UNK: variants seen among roughly 807,000 people sequenced by gnomAD.
UNK encodes unk zinc finger, also known as RING finger protein unkempt homolog.
A neutral mutation model predicts 97.6 loss-of-function variants in UNK; 32 were observed. That is an observed-to-expected ratio of 0.33 (90% CI 0.25 to 0.44). The LOEUF (loss-of-function observed/expected upper bound fraction) is 0.44, where lower values mean the gene tolerates loss of function less well. UNK is among the 20% of genes least tolerant of loss of function. The pLI is 1.00. For synonymous variants in UNK, 441 were observed against 461.2 expected, an observed-to-expected ratio of 0.96 and a Z score of 0.56; for missense variants, 771 against 1,098.4, an observed-to-expected ratio of 0.70 and a Z score of 4.21.
At chr17:75,795,482 G>A (rs2061797742) in intron 1 of UNK, among the ~76,000 whole-genome samples, 1 of 152,092 alleles carries the variant, frequency 6.6e-6, no homozygotes, top group African/African-American at 2.4e-5. Flanking sequence ...TGAGATTACA[G>A]GCACGCGCCA....
In UNK at chr17:75,812,214, C is replaced by T; in HGVS notation, c.417C>T (p.Asn139=). Residue 139 remains asparagine (N), a synonymous_variant, in exon 3 of 16, where the codon AAC becomes AAT. Coordinates refer to ENST00000589666, the MANE Select transcript of UNK (RefSeq NM_001080419.3). ...TCCACGAGACAGACTCGAAAGGCAA[C>T]TGCACCAAAAACGGCCTGCACTGCG... ...ICIHETDSKG[N]CTKNGLHCAF... The T allele has an allele frequency of 6.2e-7, 1 of 1,614,062 alleles. No individual in the cohort carries two copies. Among genetic ancestry groups the T allele is most frequent in the South Asian group, 1.1e-5 (1 of 91,090 alleles).
intron 1 of UNK, chr17:75,794,210 T>C: frequency 1.0e-6 from 1 of 954,824 alleles, no homozygotes; most frequent in Non-Finnish European, 1.2e-6. Context: ...ATTTCTGTTT[T>C]TATTTCAGCA....
At position 75,813,787 on chromosome 17, in the gene UNK, A is replaced by G. The variant is rs371668545; in HGVS notation, c.785A>G (p.His262Arg). 18 of 1,599,286 alleles carry G rather than the reference A, an allele frequency of 1.1e-5. No individual in the cohort carries two copies. The highest frequency in any genetic ancestry group is 1.4e-5 in the Non-Finnish European group (17 of 1,173,362). ...YRSSPCPNVK[H>R]GDEWGDPGKC... ...TCGTCTCCATGTCCAAACGTCAAGC[A>G]CGGGGATGAGTGGGGAGACCCTGGC... is the stretch of plus-strand genomic sequence containing the variant. The change falls in exon 6 of 16, where the codon CAC becomes CGC. Residue 262 changes from histidine to arginine, a missense_variant. By Grantham distance (29) the His-to-Arg change is conservative. Around this residue, in one of 5 missense-constraint regions of UNK, gnomAD observed 246 missense variants for 440.7 expected, o/e 0.56. Coordinates refer to ENST00000589666, the MANE Select transcript of UNK (RefSeq NM_001080419.3).
rs147138216 is a variant in UNK at position 75,822,060 on chromosome 17, A to C, written c.1838-417A>C. ...GGCTCTGGCCTGTCTTTTCCCCTTT[A>C]TCTCTTCCTGGGCCTCACATCAGGC... is the stretch of plus-strand genomic sequence containing the variant. On this transcript the variant is annotated intron_variant, in intron 13 of 15. Transcript: ENST00000589666. 5.3e-4 allele frequency among the ~76,000 whole-genome samples: 80 copies of C among 152,140 alleles called. No homozygotes were observed. The East Asian group carries it at 0.012, about 23-fold the overall frequency.
chr17:75,788,856 T>C (rs2061737494), intron 1 of UNK, among the ~76,000 whole-genome samples: 1 of 152,204 alleles, frequency 6.6e-6, no homozygotes. Context: ...CCTGATGTTA[T>C]TTGAAATTAG....
At position 75,812,520 on chromosome 17, in the gene UNK, A is replaced by G; in HGVS notation, c.557A>G (p.Gln186Arg). Residue 186 changes from glutamine to arginine, a missense_variant, in exon 4 of 16, where the codon CAG (glutamine) becomes CGG (arginine). By Grantham distance (43) the Gln-to-Arg change is conservative. Around this residue, in one of 5 missense-constraint regions of UNK, gnomAD observed 246 missense variants for 440.7 expected, o/e 0.56. Coordinates refer to ENST00000589666, the MANE Select transcript of UNK (RefSeq NM_001080419.3). ...QTTVEGSIEG[Q>R]SAGAASHAMI... ...ACGGTAGAGGGGAGCATAGAGGGCCAGTCGGCTGGGGCTGCGAGCCATGCC... is the reference window on the plus strand; with the variant it reads ...ACGGTAGAGGGGAGCATAGAGGGCCGGTCGGCTGGGGCTGCGAGCCATGCC... 6.2e-7 allele frequency: 1 copy of G among 1,612,864 alleles called. No individual in the cohort carries two copies. Among genetic ancestry groups the G allele is most frequent in the Non-Finnish European group, 8.5e-7 (1 of 1,179,798 alleles).
At chr17:75,797,653 C>T (rs1488630555) in intron 1 of UNK, among the ~76,000 whole-genome samples, 1 of 152,242 alleles carries the variant, frequency 6.6e-6, no homozygotes, top group Admixed American at 6.5e-5. Context: ...TTGCCAGCTG[C>T]TGTGTGAGGG....
intron 1 of UNK, chr17:75,785,767 C>T (rs1167555033): frequency 6.6e-6 from 1 of 151,906 alleles, no homozygotes; most frequent in African/African-American, 2.4e-5. Context: ...TTAAGCATTC[C>T]CTAGAGTTAG....
At position 75,824,764 on chromosome 17, in the gene UNK, C is replaced by A. The variant is rs2062103399; in HGVS notation, c.*347C>A. On this transcript the variant is annotated 3_prime_UTR_variant, in exon 16 of 16. Coordinates refer to ENST00000589666, the MANE Select transcript of UNK (RefSeq NM_001080419.3). This position sits in a 1 kb window ranked among gnomAD's most constrained non-coding sequence, Gnocchi z 4.9. ...ATGACATCCCCTCTTCTCCCACTGG[C>A]CTTTTGGCAGAGAATCTGGTTCTGT... 6.5e-6 allele frequency: 1 copy of A among 153,696 alleles called. No individual in the cohort carries two copies. The highest frequency in any genetic ancestry group is 1.9e-4 in the East Asian group (1 of 5,248). The allele number at this position is 153,696 out of a possible 1,614,324, so 9.5% of individuals were successfully genotyped here.
At chr17:75,787,739 C>CCCAGCTACTCAGGAG (rs2061725798) in intron 1 of UNK, among the ~76,000 whole-genome samples, 1 of 150,920 alleles carries the variant, frequency 6.6e-6, no homozygotes, top group South Asian at 2.1e-4. Flanking sequence ...GCAGGAGAAT[C>CCCAGCTACTCAGGAG]GCTTGAACCC....
At chr17:75,814,416 C>G (rs1165891173) in intron 6 of UNK, among the ~76,000 whole-genome samples, 1 of 134,384 alleles carries the variant, frequency 7.4e-6, no homozygotes, top group Non-Finnish European at 1.5e-5. Flanking sequence ...CGCTTGAACC[C>G]GGGAGGCGGA....
At position 75,801,497 on chromosome 17, in the gene UNK, C is replaced by T. The variant is rs528893175; in HGVS notation, c.105-8263C>T. Among the ~76,000 whole-genome samples, 8 of 152,030 alleles carry T rather than the reference C, an allele frequency of 5.3e-5. No homozygotes were observed. The East Asian group carries it at 9.7e-4, about 18-fold the overall frequency. ...ACACTACTGCACTCCAGCCTGGTAACGGAGTGAGACCCTGTCTCTTTATTT... is the reference window on the plus strand; with the variant it reads ...ACACTACTGCACTCCAGCCTGGTAATGGAGTGAGACCCTGTCTCTTTATTT... On this transcript the variant is annotated intron_variant, in intron 1 of 15. Coordinates refer to ENST00000589666, the MANE Select transcript of UNK (RefSeq NM_001080419.3).
Position 75,822,564 on chromosome 17 carries a change from C to T in UNK, c.1925C>T (p.Pro642Leu). 6.2e-7 allele frequency: 1 copy of T among 1,613,600 alleles called. No individual in the cohort carries two copies. The highest frequency in any genetic ancestry group is 8.5e-7 in the Non-Finnish European group (1 of 1,179,842). ...PGTSPAFLSG[P>L]GAAELARLRQ... ...ACTTCCCCCGCTTTCCTATCAGGGC[C>T]AGGGGCTGCCGAGCTGGCCCGACTT... The change falls in exon 14 of 16, where the codon CCA becomes CTA. Residue 642 changes from proline to leucine, a missense_variant. This residue lies in a region of UNK where 208 missense variants were observed against 257.4 expected (regional missense o/e 0.81). Transcript: ENST00000589666.
intron 1 of UNK, among the ~76,000 whole-genome samples, chr17:75,808,770 AC>A (rs781089131): frequency 1.3e-5 from 2 of 151,988 alleles, no homozygotes; most frequent in Non-Finnish European, 2.9e-5. Flanking sequence ...AGAGAACTAT[AC>A]TAACTGCCTG....
chr17:75,788,598 C>A (rs140422568), intron 1 of UNK, among the ~76,000 whole-genome samples: 2,996 of 152,250 alleles, frequency 0.02, 53 homozygotes, highest in Non-Finnish European at 0.032. Flanking sequence ...GTGATCTGCC[C>A]GCCTCGGCCT....
At position 75,817,670 on chromosome 17, in the gene UNK, A is replaced by AGG; in HGVS notation, c.1305+146_1305+147dup. On this transcript the variant is annotated intron_variant, in intron 9 of 15. Transcript: ENST00000589666. This position sits in a 1 kb window ranked among gnomAD's most constrained non-coding sequence, Gnocchi z 5.8. ...CCTCGGCCTCTTCAGGACTGAACAG[A>AGG]GGGAGCAGTGTCAGCCCATTTGCAG... The AGG allele has an allele frequency of 1.1e-6, 1 of 935,326 alleles. No homozygotes were observed. 57.9% of individuals were successfully genotyped at this position (935,326 alleles called of 1,614,324 possible). A position where few individuals can be genotyped will look rare whatever the true frequency, so the allele number is the denominator to read the frequency against.
At chr17:75,814,590 G>C (rs183320846) in intron 6 of UNK, among the ~76,000 whole-genome samples, 93 of 151,268 alleles carry the variant, frequency 6.1e-4, no homozygotes, top group African/African-American at 2.1e-3. Flanking sequence ...CCCTAACACA[G>C]TTCCCTTGCC....
chr17:75,789,582 C>T (rs1459821084), intron 1 of UNK, among the ~76,000 whole-genome samples: 2 of 152,094 alleles, frequency 1.3e-5, no homozygotes, highest in East Asian at 1.9e-4. Flanking sequence ...GTGATCTGCC[C>T]GTCTCGGCCT....
In UNK at chr17:75,815,119, C is replaced by T. The variant is rs142141479; in HGVS notation, c.877-50C>T. ...CATGCTGGAGGAAGGGGAGCCTGCCCGGCCTTCCCTCAGGGCCTGAGCCTG... is the reference window on the plus strand; with the variant it reads ...CATGCTGGAGGAAGGGGAGCCTGCCTGGCCTTCCCTCAGGGCCTGAGCCTG... On this transcript the variant is annotated intron_variant, in intron 6 of 15. Coordinates refer to ENST00000589666, the MANE Select transcript of UNK (RefSeq NM_001080419.3). The T allele has an allele frequency of 2.7e-3, 4,175 of 1,561,720 alleles. 48 individuals carry two copies. In the African/African-American group the frequency reaches 0.031, roughly 12 times the overall value.
Sources: gnomAD v4.1 joint callset for allele counts (sites outside exome capture counted in the v4.1 genomes callset) on GRCh38, gnomAD v4.1.1 for gene constraint, gnomAD v4.1.1 regional missense constraint, Gnocchi (gnomAD v3.1) non-coding constraint, MANE v1.5 for transcripts, NCBI Gene and HGNC (gene_info 2026-07-23, HGNC 2026-07-21) for gene names.